TMEM245: variants seen among roughly 807,000 people sequenced by gnomAD.
The protein encoded by TMEM245 is protein CG-2.
A neutral mutation model predicts 101.2 loss-of-function variants in TMEM245; 69 were observed. The observed-to-expected ratio is 0.68, with a 90% CI of 0.56 to 0.83. TMEM245 has a LOEUF of 0.83. TMEM245 is among the 40% of genes least tolerant of loss of function. TMEM245 has a pLI of 0.00. For missense variants in TMEM245, 1,075 were observed against 1,092.8 expected, an observed-to-expected ratio of 0.98 and a Z score of 0.23; for synonymous variants, 537 against 449.8, an observed-to-expected ratio of 1.19 and a Z score of -2.45.
At chr9:109,064,629 C>A in intron 9 of TMEM245, 62 bp from the exon 10 acceptor site, 1 of 1,399,042 alleles carries the variant, frequency 7.1e-7, no homozygotes, top group Non-Finnish European at 1.0e-6. Flanking sequence ...ACCAATAATG[C>A]TTTGAACTTG....
intron 6 of TMEM245, among the ~76,000 whole-genome samples, chr9:109,086,442 G>A (rs1158454148): frequency 6.6e-6 from 1 of 152,118 alleles, no homozygotes; most frequent in Non-Finnish European, 1.5e-5. Context: ...TATGAACAGT[G>A]AGTCATTTCT....
chr9:109,088,791 G>A (rs1829915213), intron 5 of TMEM245, among the ~76,000 whole-genome samples: 1 of 144,734 alleles, frequency 6.9e-6, no homozygotes, highest in Non-Finnish European at 1.5e-5. Flanking sequence ...ACTCCAGCCT[G>A]GGCAACAGAG....
chr9:109,119,390 A>C lies in TMEM245; in HGVS notation c.524T>G (p.Leu175Arg), dbSNP rs1171948813. Residue 175 changes from leucine to arginine, a missense_variant, in exon 1 of 18, where the codon CTG (leucine) becomes CGG (arginine). By Grantham distance (102) the Leu-to-Arg change is moderately radical. Coordinates refer to ENST00000374586, the MANE Select transcript of TMEM245 (RefSeq NM_032012.4). ...GCAGATGAGCGTGGCAGCGTGCACC[A>C]GCAGCACCTGCACGCCCAAGTAGCT... Reference protein sequence around the residue: ...LGSYLGVQVLLVHAATLICRG... With the variant: ...LGSYLGVQVLRVHAATLICRG... 6.5e-7 allele frequency: 1 copy of C among 1,529,064 alleles called. No homozygotes were observed. The highest frequency in any genetic ancestry group is 8.8e-7 in the Non-Finnish European group (1 of 1,142,196). 94.7% of individuals were successfully genotyped at this position (1,529,064 alleles called of 1,614,324 possible). A position where few individuals can be genotyped will look rare whatever the true frequency, so the allele number is the denominator to read the frequency against.
chr9:109,100,647 C>T (rs1830261299), intron 3 of TMEM245, among the ~76,000 whole-genome samples: 1 of 152,162 alleles, frequency 6.6e-6, no homozygotes, highest in Non-Finnish European at 1.5e-5. Flanking sequence ...AGCCATTATG[C>T]CTGGCCAAGG....
At chr9:109,114,621 T>C (rs1228667511) in intron 1 of TMEM245, among the ~76,000 whole-genome samples, 1 of 152,168 alleles carries the variant, frequency 6.6e-6, no homozygotes, top group African/African-American at 2.4e-5. Flanking sequence ...ATGGGAACAA[T>C]GGGATCAGAG....
intron 14 of TMEM245, among the ~76,000 whole-genome samples, chr9:109,041,453 A>ATTTTTTTTTTTTTTTTTTT (rs1193341550): frequency 2.4e-5 from 2 of 83,258 alleles, no homozygotes; most frequent in African/African-American, 1.0e-4. Context: ...CATCCTACAA[A>ATTTTTTTTTTTTTTTTTTT]TTTTTTTTTT....
intron 2 of TMEM245, among the ~76,000 whole-genome samples, chr9:109,107,441 G>T (rs922472592): frequency 1.3e-5 from 2 of 150,334 alleles, no homozygotes; most frequent in African/African-American, 2.4e-5. Context: ...CAAGAAACAG[G>T]TCCCTACCCA....
chr9:109,045,124 G>A (rs1312024894), intron 14 of TMEM245, among the ~76,000 whole-genome samples: 1 of 152,154 alleles, frequency 6.6e-6, no homozygotes, highest in East Asian at 1.9e-4. Context: ...ATAATTTATT[G>A]TTGAACTACA....
At chr9:109,066,452 CAAAAAAAAAA>C (rs386415818) in intron 9 of TMEM245, among the ~76,000 whole-genome samples, 7 of 52,480 alleles carry the variant, frequency 1.3e-4, no homozygotes, top group East Asian at 5.1e-4. Context: ...AAGACTGTCT[CAAAAAAAAAA>C]AAAAAAAAAA....
At chr9:109,111,161 G>A (rs1023913251) in intron 1 of TMEM245, among the ~76,000 whole-genome samples, 3 of 152,170 alleles carry the variant, frequency 2.0e-5, no homozygotes, top group Admixed American at 6.5e-5. Context: ...TCATCTGGGA[G>A]AGGCATAAGA....
intron 3 of TMEM245, among the ~76,000 whole-genome samples, chr9:109,098,638 G>C (rs1021659644): frequency 6.6e-6 from 1 of 151,758 alleles, no homozygotes; most frequent in Non-Finnish European, 1.5e-5. Context: ...TCTTGGCCAA[G>C]TTGTGGTATT....
At chr9:109,023,648 C>T (rs1253554233) in intron 17 of TMEM245, among the ~76,000 whole-genome samples, 2 of 152,042 alleles carry the variant, frequency 1.3e-5, no homozygotes, top group Non-Finnish European at 2.9e-5. Flanking sequence ...TCCTGGCTAA[C>T]ATGGTGAAAC....
chr9:109,083,046 A>G (rs1201271587), intron 7 of TMEM245, among the ~76,000 whole-genome samples: 1 of 152,166 alleles, frequency 6.6e-6, no homozygotes, highest in Non-Finnish European at 1.5e-5. Context: ...GAGAGAGGAA[A>G]GAGTGGGAAA....
intron 14 of TMEM245, among the ~76,000 whole-genome samples, chr9:109,048,556 TAAC>T (rs1444984142): frequency 2.6e-5 from 4 of 152,186 alleles, no homozygotes; most frequent in Non-Finnish European, 5.9e-5. Flanking sequence ...ACCACCTGGT[TAAC>T]AACGTATTAG....
intron 1 of TMEM245, among the ~76,000 whole-genome samples, chr9:109,113,794 A>C (rs1830635167): frequency 6.6e-6 from 1 of 152,132 alleles, no homozygotes; most frequent in Admixed American, 6.5e-5. Flanking sequence ...TTTTTTAGAG[A>C]GAATAAAACT....
intron 1 of TMEM245, among the ~76,000 whole-genome samples, chr9:109,115,203 A>G (rs570198380): frequency 2.0e-4 from 31 of 152,136 alleles, no homozygotes; most frequent in African/African-American, 7.2e-4. Context: ...CACAAAAATT[A>G]GCCGGGCGTG....
rs777996131 is a variant in TMEM245, at chr9:109,018,330, G to A, written c.*2130C>T. The A allele has an allele frequency of 1.3e-5, 2 of 152,254 alleles. No homozygotes were observed. Among genetic ancestry groups the A allele is most frequent in the African/African-American group, 2.4e-5 (1 of 41,536 alleles). 9.4% of individuals were successfully genotyped at this position (152,254 alleles called of 1,614,324 possible). ...ACATATGATCTGGCTAAGAGCAAGA[G>A]GCCTTCTTATGAGTGATCTCCATCA... On this transcript the variant is annotated 3_prime_UTR_variant, in exon 18 of 18. Coordinates refer to ENST00000374586, the MANE Select transcript of TMEM245 (RefSeq NM_032012.4).
At chr9:109,033,066 T>C (rs1828012178) in intron 17 of TMEM245, among the ~76,000 whole-genome samples, 1 of 152,208 alleles carries the variant, frequency 6.6e-6, no homozygotes, top group Admixed American at 6.5e-5. Context: ...CCCAAAGTGC[T>C]GGGATTATAG....
intron 12 of TMEM245, among the ~76,000 whole-genome samples, chr9:109,055,024 G>A (rs531371082): frequency 6.6e-6 from 1 of 152,104 alleles, no homozygotes; most frequent in African/African-American, 2.4e-5. Flanking sequence ...TCTTTTTGAG[G>A]GATTACATGG....
Sources: gnomAD v4.1 joint callset for allele counts (sites outside exome capture counted in the v4.1 genomes callset) on GRCh38, gnomAD v4.1.1 for gene constraint, MANE v1.5 for transcripts, NCBI Gene and HGNC (gene_info 2026-07-23, HGNC 2026-07-21) for gene names.